FNBP1: variants seen among roughly 807,000 people sequenced by gnomAD.
FNBP1 encodes the protein formin-binding protein 1.
In FNBP1, 26 loss-of-function variants were observed where a neutral mutation model predicts 90.6. That is an observed-to-expected ratio of 0.29 (90% CI 0.21 to 0.40). The LOEUF (loss-of-function observed/expected upper bound fraction) is 0.40. FNBP1 is among the 10% of genes least tolerant of loss of function. The pLI is 1.00. For synonymous variants in FNBP1, 260 were observed against 265.2 expected (o/e 0.98, Z 0.19); for missense variants, 635 against 768.0 (o/e 0.83, Z 2.05).
chr9:130,031,279 T>C lies in FNBP1; in HGVS notation c.24+11673A>G, dbSNP rs1200169634. Among the ~76,000 whole-genome samples the C allele has an allele frequency of 6.6e-6, 1 of 152,240 alleles. No homozygotes were observed. Among genetic ancestry groups the C allele is most frequent in the African/African-American group, 2.4e-5 (1 of 41,462 alleles). On this transcript the variant is annotated intron_variant, in intron 1 of 16. Transcript: ENST00000446176. The surrounding 1 kb of genome is among the most constrained non-coding windows in gnomAD (Gnocchi z 4.2). ...GCTACCGAGCTCCTCTCCATCCTTC[T>C]CCACACTGAAAACTGGCACCATAGG...
intron 1 of FNBP1, among the ~76,000 whole-genome samples, chr9:130,008,027 CT>C (rs1198996098): frequency 3.0e-5 from 4 of 133,128 alleles, no homozygotes; most frequent in South Asian, 4.7e-4. Flanking sequence ...AAACTGCTTA[CT>C]TTTTTTCATT....
chr9:130,036,354 C>T (rs753016943), intron 1 of FNBP1, among the ~76,000 whole-genome samples: 2 of 152,132 alleles, frequency 1.3e-5, no homozygotes, highest in African/African-American at 4.8e-5. Flanking sequence ...CATGTCTCAC[C>T]AATGTAAAGC....
chr9:129,899,385 G>T (rs567968814), intron 15 of FNBP1, among the ~76,000 whole-genome samples: 2 of 152,092 alleles, frequency 1.3e-5, no homozygotes, highest in South Asian at 4.1e-4. Flanking sequence ...GCCAGATCTG[G>T]AAGGCTTCTA....
At chr9:129,940,194 A>G (rs2044116981) in intron 6 of FNBP1, among the ~76,000 whole-genome samples, 1 of 152,116 alleles carries the variant, frequency 6.6e-6, no homozygotes. Flanking sequence ...GTGACAGAAT[A>G]AGACCCTCTC....
chr9:129,937,368 T>C (rs938410869), intron 6 of FNBP1, among the ~76,000 whole-genome samples: 2 of 152,332 alleles, frequency 1.3e-5, no homozygotes, highest in East Asian at 1.9e-4. Context: ...TGATGAGCTA[T>C]GTATATCCTG....
At chr9:129,954,645 A>G (rs1463064618) in intron 6 of FNBP1, among the ~76,000 whole-genome samples, 5 of 152,156 alleles carry the variant, frequency 3.3e-5, no homozygotes, top group Non-Finnish European at 2.9e-5. Flanking sequence ...GTCAAGCTTA[A>G]AAAAAAGCTC....
intron 5 of FNBP1, 137 bp downstream of exon 5, chr9:129,958,354 C>T (rs2047255646): frequency 1.6e-6 from 1 of 633,666 alleles, no homozygotes; most frequent in Admixed American, 2.9e-5. Flanking sequence ...ATCACTTGAA[C>T]CTGGGAAGCA....
In FNBP1 at chr9:129,946,583, C is replaced by T. The variant is rs568119836; in HGVS notation, c.513+10777G>A. 6.6e-5 allele frequency among the ~76,000 whole-genome samples: 10 copies of T among 152,254 alleles called. No individual in the cohort carries two copies. In the East Asian group the frequency reaches 1.9e-3, roughly 29 times the overall value. ...ACCATTAACTTTTGGTGGAAAACAT[C>T]GGCTCATAAATTGAGACTCTAGCAG... On this transcript the variant is annotated intron_variant, in intron 6 of 16. Transcript: ENST00000446176.
At chr9:129,912,088 A>G (rs1275976539) in intron 11 of FNBP1, among the ~76,000 whole-genome samples, 1 of 152,130 alleles carries the variant, frequency 6.6e-6, no homozygotes, top group Non-Finnish European at 1.5e-5. Context: ...TGGACTTGCG[A>G]CTGGTGGGAA....
intron 6 of FNBP1, among the ~76,000 whole-genome samples, chr9:129,933,227 G>A (rs2043008107): frequency 6.6e-6 from 1 of 151,862 alleles, no homozygotes; most frequent in Non-Finnish European, 1.5e-5. Flanking sequence ...GTACTTACAC[G>A]CACACACATA....
upstream of FNBP1, among the ~76,000 whole-genome samples, chr9:130,047,920 G>C (rs886659391): frequency 6.6e-6 from 1 of 152,062 alleles, no homozygotes; most frequent in Non-Finnish European, 1.5e-5. Flanking sequence ...AAGCAGATAG[G>C]GTTTTGAAAT....
At chr9:129,939,723 G>C (rs868605208) in intron 6 of FNBP1, among the ~76,000 whole-genome samples, 18 of 152,216 alleles carry the variant, frequency 1.2e-4, no homozygotes, top group Non-Finnish European at 2.2e-4. Context: ...AACCTCACTG[G>C]GGGGATACTT....
At chr9:129,948,829 C>G (rs1448199867) in intron 6 of FNBP1, among the ~76,000 whole-genome samples, 1 of 152,106 alleles carries the variant, frequency 6.6e-6, no homozygotes, top group Non-Finnish European at 1.5e-5. Flanking sequence ...GCGTGAGTCA[C>G]TATGCCTGGC....
intron 10 of FNBP1, among the ~76,000 whole-genome samples, chr9:129,920,937 G>A (rs1477780431): frequency 1.3e-5 from 2 of 152,156 alleles, no homozygotes; most frequent in African/African-American, 4.8e-5. Flanking sequence ...AACAATGAGT[G>A]GAGTTCTAAA....
At chr9:129,930,484 T>C (rs1343259793) in intron 6 of FNBP1, among the ~76,000 whole-genome samples, 1 of 152,234 alleles carries the variant, frequency 6.6e-6, no homozygotes, top group African/African-American at 2.4e-5. Flanking sequence ...TTAGTATATA[T>C]GCTAAAGAGG....
intron 2 of FNBP1, among the ~76,000 whole-genome samples, chr9:129,984,590 C>T (rs1195741572): frequency 6.6e-6 from 1 of 152,164 alleles, no homozygotes; most frequent in East Asian, 1.9e-4. Context: ...GCTGAGTGCC[C>T]TGGGGGTTCG....
Position 130,039,624 on chromosome 9 carries a change from C to G in FNBP1, c.24+3328G>C, listed in dbSNP as rs965853331. 2.0e-5 allele frequency among the ~76,000 whole-genome samples: 3 copies of G among 148,018 alleles called. No individual in the cohort carries two copies. In the South Asian group the frequency reaches 6.4e-4, roughly 31 times the overall value. On this transcript the variant is annotated intron_variant, in intron 1 of 16. Transcript: ENST00000446176. ...CTGGGAAGTGAAAGTTGCAGTGAGCCAAGATCGTGACAGTGCACTCCAGCC... is the reference window on the plus strand; with the variant it reads ...CTGGGAAGTGAAAGTTGCAGTGAGCGAAGATCGTGACAGTGCACTCCAGCC...
chr9:130,038,737 T>G (rs1220929276), intron 1 of FNBP1, among the ~76,000 whole-genome samples: 1 of 152,214 alleles, frequency 6.6e-6, no homozygotes, highest in Admixed American at 6.5e-5. Context: ...ATATGCATTA[T>G]TCAGGTTTCT....
the FNBP1 span, among the ~76,000 whole-genome samples, chr9:130,048,681 T>C: frequency 6.7e-6 from 1 of 150,210 alleles, no homozygotes; most frequent in East Asian, 2.0e-4. Context: ...GGTTTCACCA[T>C]GTTAGCCAGG....
Sources: allele counts gnomAD v4.1 joint callset (sites outside exome capture counted in the v4.1 genomes callset), GRCh38; gene constraint gnomAD v4.1.1; non-coding constraint Gnocchi (gnomAD v3.1); transcripts MANE v1.5; gene names NCBI Gene and HGNC (gene_info 2026-07-23, HGNC 2026-07-21).